Variants in ADK observed in about 807,000 individuals in gnomAD.
ADK encodes N6,N6-dimethyladenosine kinase.
In ADK, 24 loss-of-function variants were observed where a neutral mutation model predicts 44.7. That is an observed-to-expected ratio of 0.54 (90% CI 0.39 to 0.76). The LOEUF is 0.76. Ranked by LOEUF, ADK falls within the 30% of genes least tolerant of loss-of-function variation. ADK has a pLI of 0.00. For missense variants in ADK, 321 were observed against 425.1 expected, an observed-to-expected ratio of 0.76 and a Z score of 2.15; for synonymous variants, 128 against 142.6, an observed-to-expected ratio of 0.90 and a Z score of 0.73.
chr10:74,220,954 T>G (rs1035223192), intron 2 of ADK, among the ~76,000 whole-genome samples: 4 of 151,196 alleles, frequency 2.6e-5, no homozygotes, highest in Non-Finnish European at 5.9e-5. Flanking sequence ...CTTTGAAAAC[T>G]GGCACAAGAC....
chr10:74,487,718 G>A (rs529530722), intron 6 of ADK, among the ~76,000 whole-genome samples: 28 of 151,912 alleles, frequency 1.8e-4, no homozygotes, highest in Non-Finnish European at 3.4e-4. Context: ...GCTTTCCATC[G>A]GAGCTTTTGG....
At chr10:74,458,847 T>C (rs1846055052) in intron 6 of ADK, among the ~76,000 whole-genome samples, 1 of 152,230 alleles carries the variant, frequency 6.6e-6, no homozygotes, top group Non-Finnish European at 1.5e-5. Context: ...GAGAGTTCTT[T>C]TGATCAGATA....
intron 9 of ADK, among the ~76,000 whole-genome samples, chr10:74,616,101 T>C (rs1426439983): frequency 6.6e-6 from 1 of 152,194 alleles, no homozygotes; most frequent in Non-Finnish European, 1.5e-5. Context: ...GAAATCTTTT[T>C]ACAGCCTGTA....
At chr10:74,270,687 T>C (rs886275291) in intron 3 of ADK, among the ~76,000 whole-genome samples, 2 of 152,238 alleles carry the variant, frequency 1.3e-5, no homozygotes, top group Non-Finnish European at 2.9e-5. Flanking sequence ...GAGACATTGG[T>C]AGAAATGCTT....
At chr10:74,557,013 C>G (rs2133804032) in intron 7 of ADK, among the ~76,000 whole-genome samples, 1 of 152,304 alleles carries the variant, frequency 6.6e-6, no homozygotes, top group Non-Finnish European at 1.5e-5. Context: ...GGTGCTAACT[C>G]TTTCTAACCA....
intron 6 of ADK, among the ~76,000 whole-genome samples, chr10:74,409,416 T>C (rs1012785626): frequency 6.6e-6 from 1 of 152,228 alleles, no homozygotes; most frequent in Non-Finnish European, 1.5e-5. Flanking sequence ...ATTTGTACCC[T>C]GTTTCATGGA....
chr10:74,664,103 TATG>T (rs1854855613), intron 9 of ADK, among the ~76,000 whole-genome samples: 1 of 152,208 alleles, frequency 6.6e-6, no homozygotes, highest in Non-Finnish European at 1.5e-5. Flanking sequence ...TGACGTTGTT[TATG>T]ATAATAGAAG....
At chr10:74,253,610 G>A (rs1432315269) in intron 3 of ADK, among the ~76,000 whole-genome samples, 1 of 152,080 alleles carries the variant, frequency 6.6e-6, no homozygotes, top group Non-Finnish European at 1.5e-5. Flanking sequence ...CATCGTTTAA[G>A]TGTTTAGAGT....
intron 6 of ADK, among the ~76,000 whole-genome samples, chr10:74,444,344 G>T (rs926727590): frequency 1.3e-5 from 2 of 152,032 alleles, no homozygotes; most frequent in Admixed American, 6.6e-5. Context: ...GATTTTAATG[G>T]GGCAGAGTTG....
chr10:74,408,817 A>T (rs1167736116), intron 6 of ADK, among the ~76,000 whole-genome samples: 1 of 152,168 alleles, frequency 6.6e-6, no homozygotes, highest in East Asian at 1.9e-4. Flanking sequence ...TATCTTAGTC[A>T]TCTTCATGTT....
At chr10:74,631,229 T>A (rs1853405292) in intron 9 of ADK, among the ~76,000 whole-genome samples, 1 of 151,942 alleles carries the variant, frequency 6.6e-6, no homozygotes, top group South Asian at 2.1e-4. Context: ...ATTTAACCTG[T>A]GTGCGTGTGT....
Position 74,372,309 on chromosome 10 carries a change from C to T in ADK, c.274-21832C>T, listed in dbSNP as rs545280685. The T allele has an allele frequency of 8.9e-5, 67 of 756,762 alleles. 1 individual carries two copies. The Admixed American group carries it at 1.1e-3, about 13-fold the overall frequency. The allele number at this position is 756,762 out of a possible 1,614,324, so 46.9% of individuals were successfully genotyped here. On this transcript the variant is annotated intron_variant, in intron 4 of 10. Transcript: ENST00000539909. The stretch of plus-strand genomic sequence containing the variant: ...GCAGGTGCCCTCTGCGCCTATTCAT[C>T]AGTTCCCTACTGAAGACTGGAGTGC...
intron 4 of ADK, among the ~76,000 whole-genome samples, chr10:74,384,099 T>C (rs190043572): frequency 2.6e-5 from 4 of 152,302 alleles, no homozygotes; most frequent in African/African-American, 9.6e-5. Flanking sequence ...TCCTATTATA[T>C]ATATATCATC....
intron 6 of ADK, among the ~76,000 whole-genome samples, chr10:74,487,123 A>G (rs916456158): frequency 6.6e-5 from 10 of 152,124 alleles, no homozygotes; most frequent in Non-Finnish European, 1.5e-4. Context: ...GTTTTGAAAA[A>G]TTAAAAGCCT....
rs577411161 is a variant in ADK, at chr10:74,708,300, T to G, written c.965-21T>G. 4 of 1,607,320 alleles carry G rather than the reference T, an allele frequency of 2.5e-6. No individual in the cohort carries two copies. In the South Asian group the frequency reaches 4.4e-5, roughly 18 times the overall value. On this transcript the variant is annotated intron_variant, in intron 10 of 10. Coordinates refer to ENST00000539909, the MANE Select transcript of ADK (RefSeq NM_006721.4). ...CTGCTGTTATACAATACTCATGTGT[T>G]TTTTTTTGCCTGTGTTCTAGGTTTT...
At chr10:74,252,201 A>G (rs1169906955) in intron 3 of ADK, among the ~76,000 whole-genome samples, 1 of 152,100 alleles carries the variant, frequency 6.6e-6, no homozygotes, top group African/African-American at 2.4e-5. Flanking sequence ...GTCAGGATAA[A>G]ACCAAAACAC....
chr10:74,408,130 C>T (rs990020579), intron 6 of ADK, among the ~76,000 whole-genome samples: 8 of 151,664 alleles, frequency 5.3e-5, no homozygotes, highest in Non-Finnish European at 1.0e-4. Flanking sequence ...TAGGCACCTA[C>T]CACCATGCCT....
intron 3 of ADK, among the ~76,000 whole-genome samples, chr10:74,250,154 TTA>T (rs1333713555): frequency 6.6e-6 from 1 of 152,152 alleles, no homozygotes; most frequent in African/African-American, 2.4e-5. Flanking sequence ...CTATTTGGAG[TTA>T]TAGACAGGCA....
At chr10:74,164,238 T>G (rs1430479963) in intron 1 of ADK, among the ~76,000 whole-genome samples, 1 of 152,182 alleles carries the variant, frequency 6.6e-6, no homozygotes, top group Admixed American at 6.5e-5. Context: ...AAATGTTTAT[T>G]AAAAATAGTA....
Sources: gnomAD v4.1 joint callset for allele counts (sites outside exome capture counted in the v4.1 genomes callset) on GRCh38, gnomAD v4.1.1 for gene constraint, MANE v1.5 for transcripts, NCBI Gene and HGNC (gene_info 2026-07-23, HGNC 2026-07-21) for gene names.